The following BICD1 variants were observed in gnomAD, a reference collection of about 807,000 sequenced individuals.
BICD1 encodes the protein protein bicaudal D homolog 1.
A neutral mutation model predicts 92.5 loss-of-function variants in BICD1; 35 were observed. The ratio of observed to expected loss-of-function variants is 0.38; its 90% confidence interval spans 0.29 to 0.50. BICD1 has a LOEUF of 0.50. Ranked by LOEUF, BICD1 falls within the 20% of genes least tolerant of loss-of-function variation. BICD1 has a pLI of 0.93. For missense variants in BICD1, 950 were observed against 1,189.8 expected (o/e 0.80, Z 2.97); for synonymous variants, 429 against 465.1 (o/e 0.92, Z 1.00).
chr12:32,217,088 G>T (rs1257949034), intron 2 of BICD1, among the ~76,000 whole-genome samples: 2 of 152,204 alleles, frequency 1.3e-5, no homozygotes, highest in Non-Finnish European at 2.9e-5. Flanking sequence ...TTTCAAACTG[G>T]CAGAGTCATC....
At chr12:32,109,351 G>A (rs949265244) in intron 1 of BICD1, 8 of 152,128 alleles carry the variant, frequency 5.3e-5, no homozygotes, top group African/African-American at 1.7e-4. Flanking sequence ...ATATTGATTA[G>A]TGTTAGATAA....
chr12:32,322,426 A>C (rs1948683700), intron 4 of BICD1, among the ~76,000 whole-genome samples: 1 of 152,180 alleles, frequency 6.6e-6, no homozygotes, highest in South Asian at 2.1e-4. Context: ...AGATCTCATA[A>C]GGAGCTTGCA....
At chr12:32,172,739 T>G (rs1414956094) in intron 1 of BICD1, among the ~76,000 whole-genome samples, 2 of 152,196 alleles carry the variant, frequency 1.3e-5, no homozygotes, top group African/African-American at 4.8e-5. Context: ...TCCATTCATT[T>G]GTGTGCTTAC....
intron 2 of BICD1, among the ~76,000 whole-genome samples, chr12:32,286,157 A>AATTTTC (rs1247848737): frequency 2.0e-5 from 3 of 152,128 alleles, no homozygotes; most frequent in African/African-American, 7.2e-5. Context: ...TGTGGTCTTA[A>AATTTTC]ATTTTCTTGA....
intron 1 of BICD1, among the ~76,000 whole-genome samples, chr12:32,138,634 T>A (rs972710425): frequency 6.6e-6 from 1 of 152,234 alleles, no homozygotes; most frequent in South Asian, 2.1e-4. Context: ...TTCAACACTT[T>A]ACTTTAAATA....
chr12:32,156,708 A>T (rs1314621843), intron 1 of BICD1, among the ~76,000 whole-genome samples: 1 of 152,206 alleles, frequency 6.6e-6, no homozygotes, highest in Non-Finnish European at 1.5e-5. Flanking sequence ...CCATGATGGC[A>T]TCCCTATGCT....
rs567152308 is a variant in BICD1, at chr12:32,243,797, T to TA, written c.426+27343dup. ...CTTCCCTTCACTCTTCTCAAAACTATAAAAATATAATACTCATTTCTACCT... is the reference window on the plus strand; with the variant it reads ...CTTCCCTTCACTCTTCTCAAAACTATAAAAAATATAATACTCATTTCTACCT... On this transcript the variant is annotated intron_variant, in intron 2 of 9. Coordinates refer to ENST00000652176, the MANE Select transcript of BICD1 (RefSeq NM_001714.4). Among the ~76,000 whole-genome samples the TA allele has an allele frequency of 2.0e-3, 303 of 152,294 alleles. 1 individual carries two copies. Among genetic ancestry groups the TA allele is most frequent in the African/African-American group, 7.0e-3 (291 of 41,568 alleles).
rs71068310 is a variant in BICD1 at position 32,243,264 on chromosome 12, ATTT to A, written c.426+26824_426+26826del. On this transcript the variant is annotated intron_variant, in intron 2 of 9. Transcript: ENST00000652176. The stretch of plus-strand genomic sequence containing the variant: ...AGGCACGCCCCACCATGCCTGGCTA[ATTT>A]TTTTTTTTTTTTTTTTTTGTATTTT... 2.8e-4 allele frequency among the ~76,000 whole-genome samples: 21 copies of A among 74,032 alleles called. No homozygotes were observed. In the East Asian group the frequency reaches 6.6e-3, roughly 23 times the overall value. 48.6% of individuals were successfully genotyped at this position (74,032 alleles called of 152,430 possible). A position where few individuals can be genotyped will look rare whatever the true frequency, so the allele number is the denominator to read the frequency against.
intron 4 of BICD1, among the ~76,000 whole-genome samples, chr12:32,323,566 A>G (rs562448583): frequency 6.6e-6 from 1 of 152,332 alleles, no homozygotes; most frequent in East Asian, 1.9e-4. Context: ...CTGCAGTACT[A>G]TCATTTGGGA....
In BICD1 at chr12:32,304,192, A is replaced by G. The variant is rs185730848; in HGVS notation, c.580-1505A>G. 4.2e-4 allele frequency among the ~76,000 whole-genome samples: 64 copies of G among 152,334 alleles called. 1 individual carries two copies. The East Asian group carries it at 0.01, about 24-fold the overall frequency. On this transcript the variant is annotated intron_variant, in intron 3 of 9. Coordinates refer to ENST00000652176, the MANE Select transcript of BICD1 (RefSeq NM_001714.4). Reference sequence around the variant, plus strand: ...TACCCTAACCTTTGCGAGACAAACCATTGCATTGAGATTATATAAAGGGAA... The same window carrying G: ...TACCCTAACCTTTGCGAGACAAACCGTTGCATTGAGATTATATAAAGGGAA...
At chr12:32,266,537 T>C (rs1947002654) in intron 2 of BICD1, among the ~76,000 whole-genome samples, 1 of 152,120 alleles carries the variant, frequency 6.6e-6, no homozygotes, top group Non-Finnish European at 1.5e-5. Flanking sequence ...CATCTAAAAG[T>C]TATTTTGGCA....
intron 9 of BICD1, among the ~76,000 whole-genome samples, chr12:32,368,536 A>T (rs1481408894): frequency 6.6e-6 from 1 of 152,028 alleles, no homozygotes; most frequent in Non-Finnish European, 1.5e-5. Context: ...CTCTACTAAA[A>T]ATACAAAAAT....
At chr12:32,305,272 ATCTTT>A (rs553635428) in intron 3 of BICD1, among the ~76,000 whole-genome samples, 2 of 152,146 alleles carry the variant, frequency 1.3e-5, no homozygotes, top group Non-Finnish European at 2.9e-5. Flanking sequence ...TGATGATACA[ATCTTT>A]TCTTAGATTG....
At chr12:32,291,531 A>C (rs1287700879) in intron 2 of BICD1, among the ~76,000 whole-genome samples, 1 of 67,926 alleles carries the variant, frequency 1.5e-5, no homozygotes, top group Non-Finnish European at 4.3e-5. Flanking sequence ...GCTTCTACCA[A>C]AAAAAAAAAT....
intron 8 of BICD1, among the ~76,000 whole-genome samples, chr12:32,363,718 T>C (rs1939418230): frequency 6.6e-6 from 1 of 152,192 alleles, no homozygotes; most frequent in Non-Finnish European, 1.5e-5. Flanking sequence ...TTTAATTAAC[T>C]TCCGCTGTGA....
chr12:32,185,186 G>C (rs1944395127), intron 1 of BICD1, among the ~76,000 whole-genome samples: 1 of 152,128 alleles, frequency 6.6e-6, no homozygotes, highest in South Asian at 2.1e-4. Context: ...TAAAGGAAAG[G>C]TTGTACCTAA....
intron 2 of BICD1, among the ~76,000 whole-genome samples, chr12:32,245,790 G>A (rs113654986): frequency 2.0e-5 from 3 of 152,026 alleles, no homozygotes; most frequent in Non-Finnish European, 4.4e-5. Context: ...CACACTTTGG[G>A]AGGCTGAGGT....
intron 1 of BICD1, among the ~76,000 whole-genome samples, chr12:32,168,788 G>A (rs1234576865): frequency 6.6e-6 from 1 of 152,124 alleles, no homozygotes; most frequent in African/African-American, 2.4e-5. Context: ...TGGCCAACAT[G>A]GTGAAACCCT....
chr12:32,147,503 T>A (rs1348129546), intron 1 of BICD1, among the ~76,000 whole-genome samples: 2 of 152,232 alleles, frequency 1.3e-5, no homozygotes, highest in African/African-American at 4.8e-5. Context: ...ATTTTTATGC[T>A]ATTTTAAAGT....
Sources: gnomAD v4.1 joint callset for allele counts (sites outside exome capture counted in the v4.1 genomes callset) on GRCh38, gnomAD v4.1.1 for gene constraint, MANE v1.5 for transcripts, NCBI Gene and HGNC (gene_info 2026-07-23, HGNC 2026-07-21) for gene names.